The following VPS33A variants were observed in gnomAD, a reference collection of about 807,000 sequenced individuals.
The protein encoded by VPS33A is VPS33A core subunit of CORVET and HOPS complexes, also known as vacuolar protein sorting-associated protein 33A.
In VPS33A, 32 loss-of-function variants were observed where a neutral mutation model predicts 71.8. That is an observed-to-expected ratio of 0.45 (90% CI 0.34 to 0.60). The LOEUF (loss-of-function observed/expected upper bound fraction) is 0.60, where lower values mean the gene tolerates loss of function less well. Ranked by LOEUF, VPS33A falls within the 20% of genes least tolerant of loss-of-function variation. The pLI is 0.02. For missense variants in VPS33A, 625 were observed against 748.5 expected (o/e 0.84, Z 1.92); for synonymous variants, 311 against 292.7 (o/e 1.06, Z -0.64).
chr12:122,250,796 G>A lies in VPS33A; in HGVS notation c.600+187C>T, dbSNP rs952777808. Among the ~76,000 whole-genome samples, 6 of 152,150 alleles carry A rather than the reference G, an allele frequency of 3.9e-5. No homozygotes were observed. In the East Asian group the frequency reaches 7.7e-4, roughly 20 times the overall value. ...TCAAACTGTCACCACTGTGCACGCCGACAAAAGCACCATGAGTACTGACTT... is the reference window on the plus strand; with the variant it reads ...TCAAACTGTCACCACTGTGCACGCCAACAAAAGCACCATGAGTACTGACTT... On this transcript the variant is annotated intron_variant, in intron 5 of 12. Transcript: ENST00000267199.
intron 3 of VPS33A, among the ~76,000 whole-genome samples, chr12:122,263,284 T>C (rs1955022716): frequency 6.6e-6 from 1 of 152,160 alleles, no homozygotes; most frequent in Non-Finnish European, 1.5e-5. Context: ...TGAGCCACCA[T>C]GCCCAGTCTC....
In VPS33A at chr12:122,264,178, G is replaced by T. The variant is rs1410014918; in HGVS notation, c.124C>A (p.Leu42Ile). The T allele has an allele frequency of 6.4e-7, 1 of 1,552,998 alleles. No individual in the cohort carries two copies. The highest frequency in any genetic ancestry group is 1.7e-4 in the Middle Eastern group (1 of 5,778). The change falls in exon 2 of 13, where the codon CTA (leucine) becomes ATA (isoleucine). Residue 42 changes from leucine to isoleucine, a missense_variant. Transcript: ENST00000267199. The part of the protein sequence containing the change: ...GSKAIVWDEY[L>I]TGPFGLIAQY... ...GCAATCAGGCCAAAGGGTCCAGTTA[G>T]GTATTCATCCCAAACTATTGCCTGT...
intron 4 of VPS33A, among the ~76,000 whole-genome samples, chr12:122,254,099 T>C (rs1212616161): frequency 6.6e-6 from 1 of 152,178 alleles, no homozygotes; most frequent in Non-Finnish European, 1.5e-5. Context: ...GATTTTTATA[T>C]ATACGCGTAA....
intron 4 of VPS33A, among the ~76,000 whole-genome samples, chr12:122,255,066 A>G (rs1037161696): frequency 2.6e-5 from 4 of 152,206 alleles, no homozygotes; most frequent in Admixed American, 2.6e-4. Flanking sequence ...AAAAAAAAAA[A>G]AAAAGAAAAT....
intron 4 of VPS33A, among the ~76,000 whole-genome samples, chr12:122,257,160 C>T (rs1206080315): frequency 6.6e-6 from 1 of 152,044 alleles, no homozygotes; most frequent in African/African-American, 2.4e-5. Context: ...GGCACAGTGG[C>T]TCACGCCTGT....
Position 122,231,141 on chromosome 12 carries a change from T to C in VPS33A, c.*1105A>G, listed in dbSNP as rs1954555422. ...ACAGAAGAGAAAACGGAAACCTCAA[T>C]GGAGGCACCCACCACTGCTGTGTCT... On this transcript the variant is annotated 3_prime_UTR_variant, in exon 13 of 13. Transcript: ENST00000267199. The C allele has an allele frequency of 6.6e-6, 1 of 152,166 alleles. No homozygotes were observed. Among genetic ancestry groups the C allele is most frequent in the Admixed American group, 6.6e-5 (1 of 15,262 alleles). The allele number at this position is 152,166 out of a possible 1,614,324, so 9.4% of individuals were successfully genotyped here. A position where few individuals can be genotyped will look rare whatever the true frequency, so the allele number is the denominator to read the frequency against.
rs57522920 is a variant in VPS33A at position 122,238,770 on chromosome 12, T to TACACACACACACACACACAC, written c.1165-66_1165-47dup. 16 of 873,090 alleles carry TACACACACACACACACACAC rather than the reference T, an allele frequency of 1.8e-5. No individual in the cohort carries two copies. In the African/African-American group the frequency reaches 2.3e-4, roughly 13 times the overall value. The allele number at this position is 873,090 out of a possible 1,614,324, so 54.1% of individuals were successfully genotyped here. A position where few individuals can be genotyped will look rare whatever the true frequency, so the allele number is the denominator to read the frequency against. On this transcript the variant is annotated intron_variant, in intron 9 of 12. Transcript: ENST00000267199. ...ATATACATATACATTTACATATACA[T>TACACACACACACACACACAC]ACACACACACACACACACACACACA...
rs1028840163 is a variant in VPS33A at position 122,254,289 on chromosome 12, C to T, written c.484-3190G>A. 3.9e-5 allele frequency among the ~76,000 whole-genome samples: 6 copies of T among 152,080 alleles called. No homozygotes were observed. The South Asian group carries it at 1.0e-3, about 26-fold the overall frequency. On this transcript the variant is annotated intron_variant, in intron 4 of 12. Coordinates refer to ENST00000267199, the MANE Select transcript of VPS33A (RefSeq NM_022916.6). ...GATTAACGTCATCTCCACCAAAAATCGGGGCTGACTTTAACATTAGGCTCT... is the reference window on the plus strand; with the variant it reads ...GATTAACGTCATCTCCACCAAAAATTGGGGCTGACTTTAACATTAGGCTCT...
chr12:122,253,705 T>C (rs1354815595), intron 4 of VPS33A, among the ~76,000 whole-genome samples: 2 of 152,114 alleles, frequency 1.3e-5, no homozygotes, highest in Admixed American at 6.5e-5. Context: ...CTTGGTTGTT[T>C]TTCCTTTTTT....
At position 122,235,411 on chromosome 12, in the gene VPS33A, C is replaced by T. The variant is rs148808872; in HGVS notation, c.1440+375G>A. On this transcript the variant is annotated intron_variant, in intron 11 of 12. Transcript: ENST00000267199. ...CCCCAAGTAGATGGGATTACAGGCA[C>T]GCACCACAATGCTGGGCTAATTTTT... Among the ~76,000 whole-genome samples the T allele has an allele frequency of 8.3e-3, 1,259 of 152,010 alleles. 21 individuals carry two copies. The highest frequency in any genetic ancestry group is 0.029 in the African/African-American group (1,193 of 41,448).
At chr12:122,232,699 C>T in intron 12 of VPS33A, 101 bp downstream of exon 12, 2 of 1,438,426 alleles carry the variant, frequency 1.4e-6, no homozygotes, top group Non-Finnish European at 1.9e-6. Flanking sequence ...GTATTTAATT[C>T]TGACTCCTAA....
intron 3 of VPS33A, among the ~76,000 whole-genome samples, chr12:122,262,603 C>CTTTTTT (rs5801474): frequency 7.2e-6 from 1 of 138,524 alleles, no homozygotes; most frequent in African/African-American, 2.7e-5. Flanking sequence ...ATTTAATCAG[C>CTTTTTT]TTTTTTTTTT....
chr12:122,258,316 C>T (rs1566051025), intron 4 of VPS33A, among the ~76,000 whole-genome samples: 1 of 152,022 alleles, frequency 6.6e-6, no homozygotes, highest in African/African-American at 2.4e-5. Context: ...AGAGATGATA[C>T]TGAAAGCACA....
At chr12:122,236,312 A>G (rs527584519) in intron 10 of VPS33A, among the ~76,000 whole-genome samples, 88 of 152,284 alleles carry the variant, frequency 5.8e-4, no homozygotes, top group Non-Finnish European at 1.1e-3. Context: ...AAAAAAAAAT[A>G]ACATGTAGAG....
intron 8 of VPS33A, among the ~76,000 whole-genome samples, chr12:122,241,871 A>T (rs1279127893): frequency 7.0e-6 from 1 of 143,836 alleles, no homozygotes; most frequent in African/African-American, 2.6e-5. Flanking sequence ...GGGGTTACAG[A>T]TGTGAGCCAT....
At chr12:122,234,444 C>A (rs551006282) in intron 11 of VPS33A, among the ~76,000 whole-genome samples, 1 of 152,248 alleles carries the variant, frequency 6.6e-6, no homozygotes, top group South Asian at 2.1e-4. Flanking sequence ...GCATGCTCCA[C>A]CATGCCCTGA....
intron 10 of VPS33A, among the ~76,000 whole-genome samples, chr12:122,237,602 G>A (rs1954646932): frequency 7.0e-6 from 1 of 142,258 alleles, no homozygotes; most frequent in African/African-American, 2.8e-5. Context: ...GGACTGCAGT[G>A]GCGCAATCTC....
chr12:122,233,116 A>C (rs1259696163), intron 11 of VPS33A, 148 bp from the exon 12 acceptor site: 8 of 873,176 alleles, frequency 9.2e-6, no homozygotes, highest in African/African-American at 1.7e-5. Context: ...AATCCACCCT[A>C]GCTGGGCTCA....
At chr12:122,246,290 T>TTTA (rs1555248463) in intron 6 of VPS33A, among the ~76,000 whole-genome samples, 14 of 150,836 alleles carry the variant, frequency 9.3e-5, no homozygotes, top group African/African-American at 3.4e-4. Flanking sequence ...CTCTCTCTTA[T>TTTA]TTTATTTATT....
Sources: gnomAD v4.1 joint callset for allele counts (sites outside exome capture counted in the v4.1 genomes callset) on GRCh38, gnomAD v4.1.1 for gene constraint, MANE v1.5 for transcripts, NCBI Gene and HGNC (gene_info 2026-07-23, HGNC 2026-07-21) for gene names.